The following PACS2 variants were observed in gnomAD, a reference collection of about 807,000 sequenced individuals.
PACS2 encodes phosphofurin acidic cluster sorting protein 2.
In PACS2, 36 loss-of-function variants were observed where a neutral mutation model predicts 113.0. That is an observed-to-expected ratio of 0.32 (90% CI 0.24 to 0.42). PACS2 has a LOEUF of 0.42. Ranked by LOEUF, PACS2 falls within the 10% of genes least tolerant of loss-of-function variation. The probability of loss-of-function intolerance (pLI) is 1.00; values close to 1 mark genes in which losing one functional copy is unlikely to be tolerated. For missense variants in PACS2, 1,015 were observed against 1,239.5 expected (o/e 0.82, Z 2.72); for synonymous variants, 589 against 536.1 (o/e 1.10, Z -1.36).
chr14:105,359,005 T>C (rs1288852580), intron 4 of PACS2, among the ~76,000 whole-genome samples: 2 of 152,226 alleles, frequency 1.3e-5, no homozygotes, highest in Non-Finnish European at 2.9e-5. Context: ...GTAGCCATCG[T>C]AACACCATAG....
In PACS2 at chr14:105,346,523, C is replaced by T. The variant is rs587712747; in HGVS notation, c.120-1970C>T. Among the ~76,000 whole-genome samples the T allele has an allele frequency of 7.5e-5, 9 of 120,384 alleles. No individual in the cohort carries two copies. In the South Asian group the frequency reaches 2.9e-3, roughly 39 times the overall value. The allele number at this position is 120,384 out of a possible 152,430, so 79.0% of individuals were successfully genotyped here. A position where few individuals can be genotyped will look rare whatever the true frequency, so the allele number is the denominator to read the frequency against. On this transcript the variant is annotated intron_variant, in intron 1 of 24. Transcript: ENST00000447393. The stretch of plus-strand genomic sequence containing the variant: ...CCTGCACGGCTCCCCCACCCACACC[C>T]GCACAACTTCCCCCCCACCCCCTGC...
upstream of PACS2, among the ~76,000 whole-genome samples, chr14:105,311,145 G>A (rs976972948): frequency 6.6e-6 from 1 of 152,066 alleles, no homozygotes; most frequent in Non-Finnish European, 1.5e-5. Flanking sequence ...GTAGAGATGG[G>A]GTTTCACTAT....
At chr14:105,331,660 G>C (rs1042656682) in intron 1 of PACS2, among the ~76,000 whole-genome samples, 2 of 152,190 alleles carry the variant, frequency 1.3e-5, no homozygotes, top group Non-Finnish European at 2.9e-5. Flanking sequence ...AATGTGAAAG[G>C]CCTGTTGACA....
rs920233446 is a variant in PACS2, at chr14:105,317,895, C to G, written c.119+2858C>G. ...GCATGCTGGGCTGTTGTTGGGGAGG[C>G]CTGTGCTCCGGGTTTCCTTGCGACG... On this transcript the variant is annotated intron_variant, in intron 1 of 24. Coordinates refer to ENST00000447393, the MANE Select transcript of PACS2 (RefSeq NM_001100913.3). The surrounding 1 kb of genome is among the most constrained non-coding windows in gnomAD (Gnocchi z 4.2). Among the ~76,000 whole-genome samples the G allele has an allele frequency of 6.6e-6, 1 of 152,156 alleles. No homozygotes were observed. The highest frequency in any genetic ancestry group is 1.5e-5 in the Non-Finnish European group (1 of 68,020).
chr14:105,391,311 C>A, intron 21 of PACS2, 62 bp downstream of exon 21: 1 of 1,233,624 alleles, frequency 8.1e-7, no homozygotes, highest in Non-Finnish European at 1.2e-6. Context: ...GGAGCACGGT[C>A]ATTCGAGTCC....
intron 21 of PACS2, 119 bp from the exon 22 acceptor site, chr14:105,391,512 T>TACCCCCC: frequency 1.6e-6 from 1 of 611,322 alleles, no homozygotes; most frequent in Non-Finnish European, 2.9e-6. Context: ...CACTGGGGAC[T>TACCCCCC]CCCACCCTGC....
In PACS2 at chr14:105,323,918, G is replaced by A. The variant is rs1366344700; in HGVS notation, c.119+8881G>A. The stretch of plus-strand genomic sequence containing the variant: ...CTGGCCCATCGCCGTGGCCTGCACG[G>A]TGCGTGCACACCGCTCTGTCCGCGC... On this transcript the variant is annotated intron_variant, in intron 1 of 24. Coordinates refer to ENST00000447393, the MANE Select transcript of PACS2 (RefSeq NM_001100913.3). The surrounding 1 kb of genome is among the most constrained non-coding windows in gnomAD (Gnocchi z 4.1). Among the ~76,000 whole-genome samples the A allele has an allele frequency of 6.6e-6, 1 of 152,236 alleles. No homozygotes were observed. Among genetic ancestry groups the A allele is most frequent in the Non-Finnish European group, 1.5e-5 (1 of 68,040 alleles).
At chr14:105,361,335 A>G (rs1289563219) in intron 4 of PACS2, among the ~76,000 whole-genome samples, 1 of 152,064 alleles carries the variant, frequency 6.6e-6, no homozygotes, top group Non-Finnish European at 1.5e-5. Context: ...CTCTGCTAAA[A>G]ATACAAAAAA....
rs148942070 is a variant in PACS2 at position 105,364,857 on chromosome 14, A to T, written c.424-2356A>T. The stretch of plus-strand genomic sequence containing the variant: ...ACTACAGGTGCGCACCACCATGCCC[A>T]GCTAATTTTTTATACTTTTTGTAGA... On this transcript the variant is annotated intron_variant, in intron 4 of 24. Coordinates refer to ENST00000447393, the MANE Select transcript of PACS2 (RefSeq NM_001100913.3). 7.7e-4 allele frequency among the ~76,000 whole-genome samples: 117 copies of T among 151,962 alleles called. 3 individuals are homozygous for T. In the East Asian group the frequency reaches 0.015, roughly 20 times the overall value.
intron 13 of PACS2, 130 bp downstream of exon 13, chr14:105,382,188 A>C: frequency 9.2e-7 from 1 of 1,089,376 alleles, no homozygotes. Context: ...TGGGCTTTGG[A>C]GGGCTCCTGC....
chr14:105,320,968 C>T (rs1378933269), intron 1 of PACS2, among the ~76,000 whole-genome samples: 4 of 152,148 alleles, frequency 2.6e-5, no homozygotes, highest in Non-Finnish European at 4.4e-5. Flanking sequence ...GCCTGGGCAA[C>T]GTAGTGAAAT....
chr14:105,322,645 A>G (rs932954563), intron 1 of PACS2, among the ~76,000 whole-genome samples: 25 of 152,224 alleles, frequency 1.6e-4, no homozygotes, highest in African/African-American at 5.5e-4. Flanking sequence ...AGCCCACTTT[A>G]TTCTAATCCA....
At chr14:105,369,630 G>C (rs1407660615) in intron 7 of PACS2, among the ~76,000 whole-genome samples, 1 of 151,996 alleles carries the variant, frequency 6.6e-6, no homozygotes, top group Non-Finnish European at 1.5e-5. Context: ...ACGCCTCCCC[G>C]GGTCCCCCTT....
At position 105,358,482 on chromosome 14, in the gene PACS2, G is replaced by A. The variant is rs1207667598; in HGVS notation, c.423+3305G>A. On this transcript the variant is annotated intron_variant, in intron 4 of 24. Transcript: ENST00000447393. This position sits in a 1 kb window ranked among gnomAD's most constrained non-coding sequence, Gnocchi z 4.9. ...GCTCTCAGAACTCACCCCAGCACCC[G>A]TAGAGGGAGTGTGTAGGGGTGGGCG... 4.6e-5 allele frequency among the ~76,000 whole-genome samples: 7 copies of A among 152,332 alleles called. No individual in the cohort carries two copies. Among genetic ancestry groups the A allele is most frequent in the African/African-American group, 9.6e-5 (4 of 41,572 alleles).
chr14:105,366,193 C>T lies in PACS2; in HGVS notation c.424-1020C>T, dbSNP rs954636278. On this transcript the variant is annotated intron_variant, in intron 4 of 24. Transcript: ENST00000447393. This position sits in a 1 kb window ranked among gnomAD's most constrained non-coding sequence, Gnocchi z 4.3. The stretch of plus-strand genomic sequence containing the variant: ...GGTGAAACTGTTTCTACTAAAAATA[C>T]AAAACTTAGCTGGGCGTGCTGGCAG... Among the ~76,000 whole-genome samples the T allele has an allele frequency of 6.6e-6, 1 of 151,940 alleles. No individual in the cohort carries two copies. The highest frequency in any genetic ancestry group is 2.1e-4 in the South Asian group (1 of 4,814).
rs2059683583 is a variant in PACS2 at position 105,340,529 on chromosome 14, G to A, written c.120-7964G>A. Among the ~76,000 whole-genome samples the A allele has an allele frequency of 6.6e-6, 1 of 152,220 alleles. No individual in the cohort carries two copies. Among genetic ancestry groups the A allele is most frequent in the African/African-American group, 2.4e-5 (1 of 41,454 alleles). Reference sequence around the variant, plus strand: ...ATCAGATTCTCATAAGCAGCGTGCAGCCTGGATCCCTCGCGTGCACAGTTA... The same window carrying A: ...ATCAGATTCTCATAAGCAGCGTGCAACCTGGATCCCTCGCGTGCACAGTTA... On this transcript the variant is annotated intron_variant, in intron 1 of 24. Coordinates refer to ENST00000447393, the MANE Select transcript of PACS2 (RefSeq NM_001100913.3). This position sits in a 1 kb window ranked among gnomAD's most constrained non-coding sequence, Gnocchi z 4.2.
intron 1 of PACS2, among the ~76,000 whole-genome samples, chr14:105,326,788 C>A (rs919344994): frequency 6.6e-6 from 1 of 152,296 alleles, no homozygotes; most frequent in Admixed American, 6.5e-5. Flanking sequence ...CTATGAGCTC[C>A]ACGTTCACCC....
At chr14:105,313,998 C>T (rs2058433226), upstream of PACS2, among the ~76,000 whole-genome samples, 1 of 152,382 alleles carries the variant, frequency 6.6e-6, no homozygotes, top group Middle Eastern at 3.4e-3. Context: ...TTGTCCTGAG[C>T]ACAACGCTGA....
intron 1 of PACS2, among the ~76,000 whole-genome samples, chr14:105,342,932 T>TAA (rs1180529928): frequency 2.4e-5 from 3 of 126,684 alleles, no homozygotes; most frequent in Admixed American, 8.1e-5. Context: ...GACTCTGTCT[T>TAA]AAAAAAAAAA....
Sources: allele counts gnomAD v4.1 joint callset (sites outside exome capture counted in the v4.1 genomes callset), GRCh38; gene constraint gnomAD v4.1.1; non-coding constraint Gnocchi (gnomAD v3.1); transcripts MANE v1.5; gene names NCBI Gene and HGNC (gene_info 2026-07-23, HGNC 2026-07-21).